Variants in UXS1 observed in about 807,000 individuals in gnomAD.
UXS1 encodes the protein UDP-glucuronic acid decarboxylase 1.
A neutral mutation model predicts 62.6 loss-of-function variants in UXS1; 33 were observed. The ratio of observed to expected loss-of-function variants is 0.53; its 90% CI spans 0.40 to 0.70. The LOEUF is 0.70. Among genes scored for constraint, UXS1 ranks in the 30% least tolerant of loss-of-function variants. UXS1 has a pLI of 0.00. For synonymous variants in UXS1, 213 were observed against 206.8 expected (o/e 1.03, Z -0.26); for missense variants, 434 against 556.3 (o/e 0.78, Z 2.21).
In UXS1 at chr2:106,142,897, GTGTGTGGGTGTGTGTGTTTGCATGTA is replaced by G. The variant is rs757622140; in HGVS notation, c.472+2267_472+2292del. Among the ~76,000 whole-genome samples, 187 of 143,450 alleles carry G rather than the reference GTGTGTGGGTGTGTGTGTTTGCATGTA, an allele frequency of 1.3e-3. 3 individuals carry two copies. The highest frequency in any genetic ancestry group is 1.6e-3 in the Non-Finnish European group (103 of 64,170). 94.1% of individuals were successfully genotyped at this position (143,450 alleles called of 152,430 possible). On this transcript the variant is annotated intron_variant, in intron 6 of 14. Transcript: ENST00000283148. ...TTGTATGACTTCATTCAATGTGTGG[GTGTGTGGGTGTGTGTGTTTGCATGTA>G]TGTGTGTGTGTGTGTGTGTGTGTCC...
At chr2:106,176,812 C>T (rs1247578829) in intron 1 of UXS1, among the ~76,000 whole-genome samples, 2 of 152,212 alleles carry the variant, frequency 1.3e-5, no homozygotes, top group Admixed American at 6.5e-5. Context: ...TATCAGACCT[C>T]CCTGTGGTCC....
chr2:106,113,787 G>A (rs139698206), intron 9 of UXS1, among the ~76,000 whole-genome samples: 13 of 152,304 alleles, frequency 8.5e-5, no homozygotes, highest in Non-Finnish European at 1.3e-4. Flanking sequence ...TGTGTCCGCC[G>A]TTCCCGCTCC....
At chr2:106,184,688 G>A (rs1183054610) in intron 1 of UXS1, among the ~76,000 whole-genome samples, 3 of 152,138 alleles carry the variant, frequency 2.0e-5, no homozygotes, top group African/African-American at 7.2e-5. Flanking sequence ...TCTGCCTCCT[G>A]ACCTAATCAC....
Position 106,182,159 on chromosome 2 carries a change from T to C in UXS1, c.94+11989A>G, listed in dbSNP as rs76105764. Among the ~76,000 whole-genome samples the C allele has an allele frequency of 8.1e-3, 1,232 of 152,342 alleles. 20 individuals are homozygous for C. The highest frequency in any genetic ancestry group is 0.028 in the African/African-American group (1,154 of 41,584). On this transcript the variant is annotated intron_variant, in intron 1 of 14. Coordinates refer to ENST00000283148, the MANE Select transcript of UXS1 (RefSeq NM_001253875.2). ...CCAAAAGAAAGGTCTATCTAAAGTATGGGTGTCCAATCTTTTGGAATCCCT... is the reference window on the plus strand; with the variant it reads ...CCAAAAGAAAGGTCTATCTAAAGTACGGGTGTCCAATCTTTTGGAATCCCT...
In UXS1 at chr2:106,101,174, C is replaced by A. The variant is rs372509745; in HGVS notation, c.924-56G>T. 53 of 1,589,962 alleles carry A rather than the reference C, an allele frequency of 3.3e-5. No individual in the cohort carries two copies. The African/African-American group carries it at 6.9e-4, about 21-fold the overall frequency. Reference sequence around the variant, plus strand: ...TGCCTGCTGGAATATGCTAGTGCCACGCACCACATAGAAGCCCTCCCAGAA... The same window carrying A: ...TGCCTGCTGGAATATGCTAGTGCCAAGCACCACATAGAAGCCCTCCCAGAA... On this transcript the variant is annotated intron_variant, in intron 11 of 14. Transcript: ENST00000283148.
chr2:106,125,767 T>C lies in UXS1; in HGVS notation c.578-88A>G, dbSNP rs183041805. 22 of 1,118,840 alleles carry C rather than the reference T, an allele frequency of 2.0e-5. No individual in the cohort carries two copies. In the Admixed American group the frequency reaches 2.7e-4, roughly 14 times the overall value. 69.3% of individuals were successfully genotyped at this position (1,118,840 alleles called of 1,614,324 possible). A position where few individuals can be genotyped will look rare whatever the true frequency, so the allele number is the denominator to read the frequency against. ...GGCCAATTTAAGCAATGTTTTAGTA[T>C]TAAAGACATTTAATTATCTATCCAA... On this transcript the variant is annotated intron_variant, in intron 7 of 14. Transcript: ENST00000283148.
At chr2:106,144,182 C>T (rs1255750166) in intron 6 of UXS1, among the ~76,000 whole-genome samples, 1 of 152,176 alleles carries the variant, frequency 6.6e-6, no homozygotes, top group African/African-American at 2.4e-5. Context: ...AAAGTGAGCC[C>T]ACTGAGCTAT....
At chr2:106,129,527 C>T in intron 7 of UXS1, 147 bp downstream of exon 7, 1 of 711,284 alleles carries the variant, frequency 1.4e-6, no homozygotes. Context: ...AATAACACTG[C>T]AAAACTGCCA....
At chr2:106,160,335 C>T (rs1445173614) in intron 4 of UXS1, 2 of 152,268 alleles carry the variant, frequency 1.3e-5, no homozygotes, top group Non-Finnish European at 1.5e-5. Flanking sequence ...ACAGCTGAGA[C>T]TCTTTCCTTC....
intron 10 of UXS1, among the ~76,000 whole-genome samples, chr2:106,109,519 T>G (rs778261868): frequency 6.6e-6 from 1 of 152,138 alleles, no homozygotes; most frequent in Non-Finnish European, 1.5e-5. Context: ...ATAAATCACA[T>G]AAGGTGGAAA....
chr2:106,146,258 T>C (rs1490570271), intron 5 of UXS1, among the ~76,000 whole-genome samples: 1 of 152,198 alleles, frequency 6.6e-6, no homozygotes, highest in Non-Finnish European at 1.5e-5. Flanking sequence ...GCCTGCTGTA[T>C]CCTGTTCTCC....
intron 7 of UXS1, among the ~76,000 whole-genome samples, chr2:106,126,450 C>T (rs1340156666): frequency 6.6e-6 from 1 of 152,180 alleles, no homozygotes; most frequent in Non-Finnish European, 1.5e-5. Flanking sequence ...CACCCCTCAG[C>T]TCTGCCCCCC....
chr2:106,194,109 T>C, intron 1 of UXS1, 39 bp downstream of exon 1: 1 of 1,417,766 alleles, frequency 7.1e-7, no homozygotes, highest in South Asian at 1.3e-5. Flanking sequence ...CGCCGGGGAA[T>C]GAATGGGGCT....
intron 4 of UXS1, among the ~76,000 whole-genome samples, chr2:106,160,776 G>C (rs1017625430): frequency 3.3e-5 from 5 of 152,208 alleles, no homozygotes; most frequent in Non-Finnish European, 7.3e-5. Flanking sequence ...ACGGGCATAA[G>C]ATGGACTAAA....
chr2:106,193,408 G>A (rs750716623), intron 1 of UXS1, among the ~76,000 whole-genome samples: 21 of 151,992 alleles, frequency 1.4e-4, no homozygotes, highest in Non-Finnish European at 2.8e-4. Flanking sequence ...ACAAGCAGAG[G>A]GCCGACCACC....
intron 1 of UXS1, chr2:106,166,325 A>C (rs1320752744): frequency 2.3e-6 from 1 of 434,944 alleles, no homozygotes; most frequent in Non-Finnish European, 4.1e-6. Context: ...CATCAATTCA[A>C]GTTGCCCTGA....
chr2:106,097,118 T>G (rs1370630767), intron 13 of UXS1: 2 of 522,754 alleles, frequency 3.8e-6, no homozygotes, highest in Non-Finnish European at 7.4e-6. Context: ...TACAAGAGGG[T>G]TGCTCCAAGG....
rs537793306 is a variant in UXS1, at chr2:106,100,604, G to A, written c.984+454C>T. Among the ~76,000 whole-genome samples, 24 of 152,334 alleles carry A rather than the reference G, an allele frequency of 1.6e-4. No individual in the cohort carries two copies. The South Asian group carries it at 3.7e-3, about 24-fold the overall frequency. Reference sequence around the variant, plus strand: ...CAACAGGGAGGTTCTGGGGCTGTGGGCAGGCATGCAGGGAAGGCGAGAAGC... The same window carrying A: ...CAACAGGGAGGTTCTGGGGCTGTGGACAGGCATGCAGGGAAGGCGAGAAGC... On this transcript the variant is annotated intron_variant, in intron 12 of 14. Coordinates refer to ENST00000283148, the MANE Select transcript of UXS1 (RefSeq NM_001253875.2).
intron 1 of UXS1, among the ~76,000 whole-genome samples, chr2:106,175,716 C>T (rs942269603): frequency 1.3e-5 from 2 of 152,306 alleles, no homozygotes; most frequent in African/African-American, 4.8e-5. Flanking sequence ...CTGAGTCTGT[C>T]CTCAAGGTCC....
Sources: allele counts gnomAD v4.1 joint callset (sites outside exome capture counted in the v4.1 genomes callset), GRCh38; gene constraint gnomAD v4.1.1; transcripts MANE v1.5; gene names NCBI Gene and HGNC (gene_info 2026-07-23, HGNC 2026-07-21).